Variants in CNOT10 observed in about 807,000 individuals in gnomAD.
The protein encoded by CNOT10 is CCR4-NOT transcription complex subunit 10.
Under a neutral mutation model 94.6 loss-of-function variants are expected in CNOT10, and 30 were observed. The observed-to-expected ratio is 0.32, with a 90% CI of 0.24 to 0.43. The LOEUF is 0.43. Among genes scored for constraint, CNOT10 ranks in the 20% least tolerant of loss-of-function variants. The probability of loss-of-function intolerance (pLI) is 1.00; values close to 1 mark genes in which losing one functional copy is unlikely to be tolerated. For synonymous variants in CNOT10, 289 were observed against 301.6 expected, an observed-to-expected ratio of 0.96 and a Z score of 0.43; for missense variants, 759 against 877.2, an observed-to-expected ratio of 0.87 and a Z score of 1.70.
chr3:32,713,184 C>G, intron 4 of CNOT10, 43 bp from the exon 5 acceptor site: 1 of 1,515,452 alleles, frequency 6.6e-7, no homozygotes, highest in Non-Finnish European at 8.8e-7. Flanking sequence ...GTGTGCTTTA[C>G]TTTAGGTTGT....
chr3:32,738,714 G>A (rs181631433), intron 13 of CNOT10, among the ~76,000 whole-genome samples: 24 of 151,720 alleles, frequency 1.6e-4, no homozygotes, highest in East Asian at 1.4e-3. Context: ...CACCCACCTC[G>A]GCCTCCCAAA....
chr3:32,753,651 T>G, intron 13 of CNOT10: 1 of 1,573,894 alleles, frequency 6.4e-7, no homozygotes, highest in Admixed American at 1.8e-5. Flanking sequence ...CATCATCTCC[T>G]TATACAAGAA....
At chr3:32,693,479 A>G (rs1394217721) in intron 1 of CNOT10, 2 of 152,002 alleles carry the variant, frequency 1.3e-5, no homozygotes, top group African/African-American at 4.8e-5. Flanking sequence ...TGACTGCCCA[A>G]ATTGCTGGGA....
chr3:32,704,793 GT>G lies in CNOT10; in HGVS notation c.118-17del. 1.0e-5 allele frequency: 16 copies of G among 1,542,078 alleles called. No individual in the cohort carries two copies. The highest frequency in any genetic ancestry group is 4.8e-5 in the East Asian group (2 of 42,020). On this transcript the variant is annotated splice_polypyrimidine_tract_variant and intron_variant, in intron 2 of 18. Transcript: ENST00000328834. ...GGTATGTAATTTTGTGTGTGTGTGT[GT>G]GGTTTTTTTTTTTTAGTCTGGAAAT...
In CNOT10 at chr3:32,773,767, G is replaced by T; in HGVS notation, c.*156G>T. On this transcript the variant is annotated 3_prime_UTR_variant, in exon 19 of 19. Transcript: ENST00000328834. ...TGGCCAAAAGCTTACTTAAAATTAA[G>T]GATTTACTAAGTCATCATCAGCTGT... The T allele has an allele frequency of 4.5e-6, 3 of 667,448 alleles. No individual in the cohort carries two copies. Among genetic ancestry groups the T allele is most frequent in the South Asian group, 2.8e-5 (1 of 35,840 alleles). The allele number at this position is 667,448 out of a possible 1,614,324, so 41.3% of individuals were successfully genotyped here.
intron 4 of CNOT10, among the ~76,000 whole-genome samples, chr3:32,709,776 C>T (rs547463882): frequency 6.6e-6 from 1 of 152,202 alleles, no homozygotes; most frequent in South Asian, 2.1e-4. Flanking sequence ...GGACTGTACA[C>T]ATTTTTCTGT....
At chr3:32,722,851 G>T (rs1177087384) in intron 8 of CNOT10, among the ~76,000 whole-genome samples, 7 of 152,110 alleles carry the variant, frequency 4.6e-5, no homozygotes, top group Admixed American at 6.6e-5. Flanking sequence ...AGGCGTGATG[G>T]CATGCGCCTG....
chr3:32,736,729 C>G (rs757491507), intron 12 of CNOT10, among the ~76,000 whole-genome samples: 3 of 152,072 alleles, frequency 2.0e-5, no homozygotes, highest in Non-Finnish European at 2.9e-5. Context: ...GAGCTATGAT[C>G]ATGCCACACT....
chr3:32,715,719 C>T (rs990623173), intron 5 of CNOT10, among the ~76,000 whole-genome samples: 9 of 152,186 alleles, frequency 5.9e-5, no homozygotes, highest in Non-Finnish European at 1.0e-4. Flanking sequence ...CTCATTATTA[C>T]GTTCGACTGT....
At chr3:32,714,833 G>C (rs576445572) in intron 5 of CNOT10, among the ~76,000 whole-genome samples, 4 of 152,150 alleles carry the variant, frequency 2.6e-5, no homozygotes, top group Non-Finnish European at 5.9e-5. Context: ...TGGTTATCAA[G>C]GGATGACCCT....
chr3:32,769,898 G>A lies in CNOT10; in HGVS notation c.2016G>A (p.Met672Ile), dbSNP rs750323826. 1 of 1,613,886 alleles carries A rather than the reference G, an allele frequency of 6.2e-7. No individual in the cohort carries two copies. The highest frequency in any genetic ancestry group is 8.5e-7 in the Non-Finnish European group (1 of 1,179,872). ...TGTTTTGAGCAAAGGCGGCTTCAAT[G>A]ATCCATCCTAAAGAGGTGCCCCCTG... ...ARKCLHQAAS[M>I]IHPKEVPPEA... The change falls in exon 18 of 19, where the codon ATG becomes ATA. Residue 672 changes from methionine to isoleucine, a missense_variant. Physicochemically the swap from Met to Ile is conservative, Grantham distance 10. Coordinates refer to ENST00000328834, the MANE Select transcript of CNOT10 (RefSeq NM_015442.3).
At chr3:32,685,637 A>G (rs1373946418) in intron 1 of CNOT10, among the ~76,000 whole-genome samples, 155 bp downstream of exon 1, 5 of 152,116 alleles carry the variant, frequency 3.3e-5, no homozygotes, top group African/African-American at 7.2e-5. Flanking sequence ...GGCTGTCGCT[A>G]ACATGAGTCT....
intron 13 of CNOT10, among the ~76,000 whole-genome samples, chr3:32,752,119 T>C (rs1438364471): frequency 6.6e-6 from 1 of 152,016 alleles, no homozygotes; most frequent in East Asian, 1.9e-4. Flanking sequence ...AGAAACCCCA[T>C]CTCTACTAAA....
At chr3:32,690,910 T>C (rs893249936) in intron 1 of CNOT10, among the ~76,000 whole-genome samples, 4 of 151,892 alleles carry the variant, frequency 2.6e-5, no homozygotes, top group Admixed American at 1.3e-4. Flanking sequence ...ATTTAAAAAA[T>C]AAAATGAATA....
intron 13 of CNOT10, among the ~76,000 whole-genome samples, chr3:32,747,963 C>G (rs1433774355): frequency 6.6e-6 from 1 of 151,118 alleles, no homozygotes; most frequent in East Asian, 1.9e-4. Context: ...CCCCCCACCT[C>G]CAAAAAAAAA....
At chr3:32,763,202 T>G (rs1176893736) in intron 15 of CNOT10, among the ~76,000 whole-genome samples, 1 of 152,146 alleles carries the variant, frequency 6.6e-6, no homozygotes, top group Non-Finnish European at 1.5e-5. Context: ...CCAGGCGTGG[T>G]GGCTCACGCC....
intron 13 of CNOT10, among the ~76,000 whole-genome samples, chr3:32,739,198 G>A (rs552654349): frequency 9.3e-4 from 141 of 152,212 alleles, no homozygotes; most frequent in Middle Eastern, 3.4e-3. Context: ...GAGCCACTGC[G>A]CCCGGCCAGT....
In CNOT10 at chr3:32,720,086, A is replaced by G. The variant is rs183923213; in HGVS notation, c.745-28A>G. The G allele has an allele frequency of 2.1e-5, 26 of 1,225,754 alleles. No homozygotes were observed. The African/African-American group carries it at 3.7e-4, about 17-fold the overall frequency. The allele number at this position is 1,225,754 out of a possible 1,614,324, so 75.9% of individuals were successfully genotyped here. On this transcript the variant is annotated intron_variant, in intron 7 of 18. Transcript: ENST00000328834. ...TACATTAGGCGTCTGAAAACAAATTATAAGTAACTTTTATATTTTCTCTAC... is the reference window on the plus strand; with the variant it reads ...TACATTAGGCGTCTGAAAACAAATTGTAAGTAACTTTTATATTTTCTCTAC...
rs540675788 is a variant in CNOT10 at position 32,742,757 on chromosome 3, ACT to A, written c.1595+5270_1595+5271del. Among the ~76,000 whole-genome samples, 5 of 152,058 alleles carry A rather than the reference ACT, an allele frequency of 3.3e-5. No homozygotes were observed. In the South Asian group the frequency reaches 8.3e-4, roughly 25 times the overall value. The stretch of plus-strand genomic sequence containing the variant: ...CCATATCAGCACAAACCTTTGTTTC[ACT>A]CTTTCTCATGGGTGCCTAGAGTTGC... On this transcript the variant is annotated intron_variant, in intron 13 of 18. Coordinates refer to ENST00000328834, the MANE Select transcript of CNOT10 (RefSeq NM_015442.3).
Sources: allele counts gnomAD v4.1 joint callset (sites outside exome capture counted in the v4.1 genomes callset), GRCh38; gene constraint gnomAD v4.1.1; transcripts MANE v1.5; gene names NCBI Gene and HGNC (gene_info 2026-07-23, HGNC 2026-07-21).